The following GANC variants were observed in gnomAD, a reference collection of about 807,000 sequenced individuals.
The protein encoded by GANC is glucosidase alpha, neutral C.
Under a neutral mutation model 124.2 loss-of-function variants are expected in GANC, and 117 were observed. That is an observed-to-expected ratio of 0.94 (90% CI 0.81 to 1.10). GANC has a LOEUF of 1.10. Among genes scored for constraint, GANC ranks in the 50% least tolerant of loss-of-function variants. The pLI is 0.00. For synonymous variants in GANC, 377 were observed against 376.8 expected (o/e 1.00, Z -0.01); for missense variants, 1,140 against 1,095.0 (o/e 1.04, Z -0.58).
At chr15:42,341,379 GGTGATAGT>G (rs962509697) in intron 18 of GANC, among the ~76,000 whole-genome samples, 2 of 152,104 alleles carry the variant, frequency 1.3e-5, no homozygotes, top group African/African-American at 4.8e-5. Context: ...CAGCCCAGGT[GGTGATAGT>G]AAAAAACCAG....
chr15:42,316,039 TTC>T (rs1446164183), intron 10 of GANC, among the ~76,000 whole-genome samples: 1 of 152,100 alleles, frequency 6.6e-6, no homozygotes, highest in Non-Finnish European at 1.5e-5. Flanking sequence ...ATCCTATTAA[TTC>T]TGTTTCTCTG....
At position 42,327,387 on chromosome 15, in the gene GANC, C is replaced by T; in HGVS notation, c.1445C>T (p.Thr482Ile). The change falls in exon 13 of 24, where the codon ACC becomes ATC. Residue 482 changes from threonine to isoleucine, a missense_variant. Coordinates refer to ENST00000318010, the MANE Select transcript of GANC (RefSeq NM_198141.3). ...GGTCTCTCCTCTTACCTGGATTTCA[C>T]CAATCCCAAGGTCAGAGAGTGGTAT... ...WPGLSSYLDFTNPKVREWYSS... is the reference protein window; with the variant it reads ...WPGLSSYLDFINPKVREWYSS... 6.2e-7 allele frequency: 1 copy of T among 1,613,058 alleles called. No homozygotes were observed.
At chr15:42,304,225 T>C in intron 6 of GANC, among the ~76,000 whole-genome samples, 1 of 152,184 alleles carries the variant, frequency 6.6e-6, no homozygotes. Flanking sequence ...CACAACTACA[T>C]GGAAACTGAA....
chr15:42,330,657 G>A lies in GANC; in HGVS notation c.1726G>A (p.Gly576Arg), dbSNP rs940309710. Residue 576 changes from glycine to arginine, a missense_variant, in exon 15 of 24, where the codon GGA (glycine) becomes AGA (arginine). Transcript: ENST00000318010. ...TGTTCTTACACGTTCTTTCTTTGCTGGATCACAAAAGTATGGTAAGGAATG... is the reference window on the plus strand; with the variant it reads ...TGTTCTTACACGTTCTTTCTTTGCTAGATCACAAAAGTATGGTAAGGAATG... ...PFVLTRSFFA[G>R]SQKYGAVWTG... The A allele has an allele frequency of 1.2e-6, 2 of 1,606,338 alleles. No individual in the cohort carries two copies. Among genetic ancestry groups the A allele is most frequent in the Non-Finnish European group, 1.7e-6 (2 of 1,177,706 alleles).
chr15:42,328,074 A>ATT (rs1444030822), intron 13 of GANC, among the ~76,000 whole-genome samples: 2 of 152,204 alleles, frequency 1.3e-5, no homozygotes, highest in Non-Finnish European at 2.9e-5. Context: ...AGAAGAGGAA[A>ATT]TTGAGACATA....
intron 22 of GANC, 130 bp downstream of exon 22, chr15:42,349,625 G>A (rs2052404549): frequency 1.6e-6 from 1 of 637,684 alleles, no homozygotes; most frequent in African/African-American, 1.9e-5. Flanking sequence ...GCCGTTTCCG[G>A]AATATTTTTT....
In GANC at chr15:42,352,640, C is replaced by T. The variant is rs1464505069; in HGVS notation, c.*501C>T. On this transcript the variant is annotated 3_prime_UTR_variant, in exon 24 of 24. Coordinates refer to ENST00000318010, the MANE Select transcript of GANC (RefSeq NM_198141.3). ...GGGCAGAGCAGCCCTCTTCTGTGTGCACTGCATACGCTGCAGCCGTGGGAG... is the reference window on the plus strand; with the variant it reads ...GGGCAGAGCAGCCCTCTTCTGTGTGTACTGCATACGCTGCAGCCGTGGGAG... 1 of 989,768 alleles carries T rather than the reference C, an allele frequency of 1.0e-6. No homozygotes were observed. Among genetic ancestry groups the T allele is most frequent in the Non-Finnish European group, 1.2e-6 (1 of 832,192 alleles). 61.3% of individuals were successfully genotyped at this position (989,768 alleles called of 1,614,324 possible). A position where few individuals can be genotyped will look rare whatever the true frequency, so the allele number is the denominator to read the frequency against.
rs754185846 is a variant in GANC at position 42,308,245 on chromosome 15, T to G, written c.649T>G (p.Phe217Val). Residue 217 changes from phenylalanine (F) to valine (V), a missense_variant, in exon 8 of 24, where the codon TTC (phenylalanine) becomes GTC (valine). Physicochemically the swap from Phe to Val is conservative, Grantham distance 50. Coordinates refer to ENST00000318010, the MANE Select transcript of GANC (RefSeq NM_198141.3). ...ANGPSSIGLDFSLHGFEHLYG... is the reference protein window; with the variant it reads ...ANGPSSIGLDVSLHGFEHLYG... ...AGGCCCTTCTTCTATTGGTTTGGAT[T>G]TCTCCTTGCATGGATTTGAGCATCT... 99 of 1,606,990 alleles carry G rather than the reference T, an allele frequency of 6.2e-5. No individual in the cohort carries two copies. Among genetic ancestry groups the G allele is most frequent in the Non-Finnish European group, 8.4e-5 (99 of 1,174,862 alleles).
chr15:42,349,678 C>A (rs566152586), intron 22 of GANC, among the ~76,000 whole-genome samples, 183 bp downstream of exon 22: 62 of 152,032 alleles, frequency 4.1e-4, no homozygotes, highest in African/African-American at 1.4e-3. Flanking sequence ...GAGTCTCACT[C>A]ACTCTGTCGC....
intron 10 of GANC, among the ~76,000 whole-genome samples, chr15:42,311,513 T>G (rs1163520187): frequency 6.6e-6 from 1 of 152,196 alleles, no homozygotes; most frequent in Non-Finnish European, 1.5e-5. Context: ...CTGGGCAATT[T>G]ATAAAGAAAA....
At chr15:42,310,632 G>A (rs1566954958) in intron 9 of GANC, 61 bp from the exon 10 acceptor site, 2 of 1,573,850 alleles carry the variant, frequency 1.3e-6, no homozygotes, top group East Asian at 2.3e-5. Flanking sequence ...TTACTTATAT[G>A]TGGCTGGATG....
At chr15:42,347,675 C>G (rs2052377916) in intron 20 of GANC, among the ~76,000 whole-genome samples, 1 of 152,192 alleles carries the variant, frequency 6.6e-6, no homozygotes, top group African/African-American at 2.4e-5. Flanking sequence ...TACACACATA[C>G]ACAGACTTCT....
intron 3 of GANC, among the ~76,000 whole-genome samples, chr15:42,280,422 A>G (rs924236396): frequency 5.3e-5 from 8 of 152,136 alleles, no homozygotes; most frequent in Non-Finnish European, 1.2e-4. Context: ...GGACAGCACT[A>G]ATTTCCTTCC....
intron 2 of GANC, among the ~76,000 whole-genome samples, chr15:42,277,410 A>T (rs944690201): frequency 6.6e-6 from 1 of 151,552 alleles, no homozygotes; most frequent in African/African-American, 2.4e-5. Flanking sequence ...CATGCCTGTA[A>T]TCCCAGCTAC....
At chr15:42,275,552 G>A (rs550538169) in intron 1 of GANC, among the ~76,000 whole-genome samples, 1 of 146,738 alleles carries the variant, frequency 6.8e-6, no homozygotes, top group Admixed American at 7.1e-5. Context: ...AGATGCATTC[G>A]GCCACACTAG....
At chr15:42,320,663 G>T (rs539101228) in intron 10 of GANC, among the ~76,000 whole-genome samples, 209 of 152,110 alleles carry the variant, frequency 1.4e-3, no homozygotes, top group African/African-American at 4.9e-3. Context: ...TGGCCAGGCT[G>T]GTCTCGAACT....
chr15:42,287,892 G>A (rs1441202070), intron 4 of GANC, 74 bp downstream of exon 4: 2 of 1,482,262 alleles, frequency 1.3e-6, no homozygotes, highest in Non-Finnish European at 1.8e-6. Flanking sequence ...AATAAATTTT[G>A]TTATGTGCAC....
chr15:42,300,999 CAA>C, intron 6 of GANC, among the ~76,000 whole-genome samples: 1 of 135,726 alleles, frequency 7.4e-6, no homozygotes, highest in South Asian at 2.5e-4. Context: ...GCCTGGGCAA[CAA>C]GAGTGAAACT....
intron 18 of GANC, among the ~76,000 whole-genome samples, chr15:42,342,754 G>A (rs1325209144): frequency 1.3e-5 from 2 of 152,198 alleles, no homozygotes; most frequent in African/African-American, 2.4e-5. Flanking sequence ...GGAGCAATGG[G>A]GGTGCTTTGA....
Sources: allele counts gnomAD v4.1 joint callset (sites outside exome capture counted in the v4.1 genomes callset), GRCh38; gene constraint gnomAD v4.1.1; transcripts MANE v1.5; gene names NCBI Gene and HGNC (gene_info 2026-07-23, HGNC 2026-07-21).